The following GPR158 variants were observed in gnomAD, a reference collection of about 807,000 sequenced individuals.
GPR158 encodes the protein G protein-coupled receptor 158, also known as metabotropic glycine receptor.
In GPR158, 30 loss-of-function variants were observed where a neutral mutation model predicts 78.2. The ratio of observed to expected loss-of-function variants is 0.38; its 90% CI spans 0.29 to 0.52. The LOEUF is 0.52. GPR158 is among the 20% of genes least tolerant of loss of function. The probability of loss-of-function intolerance (pLI) is 0.83; values close to 1 mark genes in which losing one functional copy is unlikely to be tolerated. For synonymous variants in GPR158, 581 were observed against 591.1 expected, an observed-to-expected ratio of 0.98 and a Z score of 0.25; for missense variants, 1,463 against 1,523.5, an observed-to-expected ratio of 0.96 and a Z score of 0.66.
intron 4 of GPR158, among the ~76,000 whole-genome samples, chr10:25,446,915 T>C (rs1187864996): frequency 6.6e-6 from 1 of 152,212 alleles, no homozygotes. Context: ...CAACAAGATC[T>C]CCTGTCAGTT....
At chr10:25,472,062 C>T (rs528633124) in intron 5 of GPR158, among the ~76,000 whole-genome samples, 1,773 of 152,054 alleles carry the variant, frequency 0.012, 10 homozygotes, top group Non-Finnish European at 0.017. Context: ...AATGGTATTG[C>T]CTAGGTTTTC....
At chr10:25,576,495 T>G (rs1344959142) in intron 7 of GPR158, among the ~76,000 whole-genome samples, 4 of 152,158 alleles carry the variant, frequency 2.6e-5, no homozygotes, top group Admixed American at 6.5e-5. Context: ...GTAATGGAAC[T>G]ATGAAAAGAA....
chr10:25,228,150 C>T (rs186517186), intron 2 of GPR158, among the ~76,000 whole-genome samples: 6 of 152,224 alleles, frequency 3.9e-5, no homozygotes, highest in Non-Finnish European at 8.8e-5. Context: ...TGGCACATGC[C>T]TGTAGTTCCA....
chr10:25,395,854 CT>C, intron 2 of GPR158, 56 bp from the exon 3 acceptor site: 1 of 827,750 alleles, frequency 1.2e-6, no homozygotes, highest in Non-Finnish European at 2.1e-6. Context: ...ATCTGCGAGC[CT>C]TTATACCATG....
chr10:25,412,636 A>G (rs1834607739), intron 4 of GPR158, among the ~76,000 whole-genome samples, 163 bp downstream of exon 4: 1 of 152,208 alleles, frequency 6.6e-6, no homozygotes, highest in Non-Finnish European at 1.5e-5. Context: ...GCTGACCAGA[A>G]AAATAGAGAT....
chr10:25,459,851 G>A (rs553012054), intron 4 of GPR158, among the ~76,000 whole-genome samples: 1 of 152,126 alleles, frequency 6.6e-6, no homozygotes, highest in Non-Finnish European at 1.5e-5. Context: ...TTGTCTATGG[G>A]TTTGATATCT....
At chr10:25,243,233 G>A (rs1313062262) in intron 2 of GPR158, among the ~76,000 whole-genome samples, 2 of 152,138 alleles carry the variant, frequency 1.3e-5, no homozygotes, top group Non-Finnish European at 2.9e-5. Flanking sequence ...GGCCTAGAAT[G>A]TTTCTTTACC....
At chr10:25,337,626 A>G (rs968002586) in intron 2 of GPR158, among the ~76,000 whole-genome samples, 1 of 152,026 alleles carries the variant, frequency 6.6e-6, no homozygotes, top group Admixed American at 6.6e-5. Context: ...TTGTATACAT[A>G]TTTATACATT....
At chr10:25,592,193 A>T (rs1409835689) in intron 8 of GPR158, among the ~76,000 whole-genome samples, 1 of 151,978 alleles carries the variant, frequency 6.6e-6, no homozygotes, top group Non-Finnish European at 1.5e-5. Context: ...GTATGTATAT[A>T]TACATATATA....
chr10:25,426,823 A>T (rs552220775), intron 4 of GPR158, among the ~76,000 whole-genome samples: 1 of 152,186 alleles, frequency 6.6e-6, no homozygotes, highest in South Asian at 2.1e-4. Context: ...GATTTGCTTG[A>T]TGCAAGGTTT....
intron 5 of GPR158, among the ~76,000 whole-genome samples, chr10:25,484,314 C>T (rs572843590): frequency 6.6e-6 from 1 of 152,270 alleles, no homozygotes; most frequent in Non-Finnish European, 1.5e-5. Flanking sequence ...TCAAATGTCA[C>T]TTCTCAGTGA....
chr10:25,505,355 A>G (rs1453035638), intron 5 of GPR158, among the ~76,000 whole-genome samples: 5 of 152,206 alleles, frequency 3.3e-5, no homozygotes, highest in African/African-American at 1.2e-4. Context: ...CAAATTCAGA[A>G]CAACCTCATT....
chr10:25,401,981 C>T (rs190211196), intron 3 of GPR158, among the ~76,000 whole-genome samples: 2 of 152,168 alleles, frequency 1.3e-5, no homozygotes, highest in East Asian at 3.9e-4. Flanking sequence ...GTTTACATTG[C>T]CTCTAAGTAT....
intron 2 of GPR158, among the ~76,000 whole-genome samples, chr10:25,323,796 G>T (rs955568372): frequency 6.6e-6 from 1 of 151,990 alleles, no homozygotes; most frequent in Non-Finnish European, 1.5e-5. Context: ...TGGATTATAG[G>T]CTTCAGCCAC....
intron 2 of GPR158, among the ~76,000 whole-genome samples, chr10:25,366,130 A>G (rs1328090295): frequency 6.8e-6 from 1 of 146,708 alleles, no homozygotes; most frequent in African/African-American, 2.6e-5. Context: ...ACTGTAGACA[A>G]ACTTTTGTTT....
intron 4 of GPR158, among the ~76,000 whole-genome samples, chr10:25,433,570 T>TGTGTGTGTACGC (rs1554803626): frequency 7.8e-6 from 1 of 128,668 alleles, no homozygotes; most frequent in African/African-American, 2.9e-5. Context: ...TGTGTGTGTG[T>TGTGTGTGTACGC]GCGCGCGCGC....
chr10:25,307,713 AT>A (rs1380545501), intron 2 of GPR158, among the ~76,000 whole-genome samples: 1 of 152,156 alleles, frequency 6.6e-6, no homozygotes, highest in African/African-American at 2.4e-5. Context: ...TCTGAAAATA[AT>A]TCTCTATCAG....
chr10:25,191,045 T>G (rs912066036), intron 1 of GPR158, among the ~76,000 whole-genome samples: 1 of 152,240 alleles, frequency 6.6e-6, no homozygotes, highest in Non-Finnish European at 1.5e-5. Flanking sequence ...ATTAGTTCTT[T>G]GGAAAGCCTC....
At chr10:25,329,405 A>C (rs1855086831) in intron 2 of GPR158, among the ~76,000 whole-genome samples, 2 of 150,788 alleles carry the variant, frequency 1.3e-5, no homozygotes, top group African/African-American at 4.9e-5. Flanking sequence ...GCGCCACTGC[A>C]CTCCAGCCTG....
Sources: allele counts gnomAD v4.1 joint callset (sites outside exome capture counted in the v4.1 genomes callset), GRCh38; gene constraint gnomAD v4.1.1; transcripts MANE v1.5; gene names NCBI Gene and HGNC (gene_info 2026-07-23, HGNC 2026-07-21).